The following MIX23 variants were observed in gnomAD, a reference collection of about 807,000 sequenced individuals.
The protein encoded by MIX23 is mitochondrial matrix import factor 23.
A neutral mutation model predicts 21.6 loss-of-function variants in MIX23; 13 were observed. The ratio of observed to expected loss-of-function variants is 0.60; its 90% confidence interval spans 0.39 to 0.96. The LOEUF (loss-of-function observed/expected upper bound fraction) is 0.96, where lower values mean the gene tolerates loss of function less well. Among genes scored for constraint, MIX23 ranks in the 40% least tolerant of loss-of-function variants. The pLI is 0.00. For synonymous variants in MIX23, 59 were observed against 58.0 expected (o/e 1.02, Z -0.08); for missense variants, 144 against 171.2 (o/e 0.84, Z 0.89).
intron 4 of MIX23, 70 bp from the exon 5 acceptor site, chr3:122,359,989 A>G (rs538161645): frequency 8.5e-6 from 12 of 1,406,668 alleles, no homozygotes; most frequent in Middle Eastern, 1.8e-4. Flanking sequence ...ACTAAATTCA[A>G]TTTAGTAGGC....
chr3:122,372,900 C>T (rs1220316268), intron 1 of MIX23: 15 of 320,812 alleles, frequency 4.7e-5, no homozygotes, highest in African/African-American at 3.1e-4. Flanking sequence ...TTATTGAAAA[C>T]ATCCAAGTTA....
At chr3:122,367,377 C>T (rs2075404411) in intron 3 of MIX23, among the ~76,000 whole-genome samples, 1 of 152,176 alleles carries the variant, frequency 6.6e-6, no homozygotes, top group Non-Finnish European at 1.5e-5. Context: ...ATAAAATATG[C>T]TGTATTTTTC....
intron 2 of MIX23, among the ~76,000 whole-genome samples, 177 bp downstream of exon 2, chr3:122,371,498 G>A (rs1156375884): frequency 6.6e-6 from 1 of 152,192 alleles, no homozygotes; most frequent in African/African-American, 2.4e-5. Flanking sequence ...ACAAGCGTAA[G>A]GTCACACATT....
In MIX23 at chr3:122,359,673, A is replaced by C. The variant is rs2075342673; in HGVS notation, c.*196T>G. 3.0e-6 allele frequency: 1 copy of C among 337,992 alleles called. No individual in the cohort carries two copies. Among genetic ancestry groups the C allele is most frequent in the Non-Finnish European group, 5.1e-6 (1 of 194,804 alleles). 20.9% of individuals were successfully genotyped at this position (337,992 alleles called of 1,614,324 possible). A position where few individuals can be genotyped will look rare whatever the true frequency, so the allele number is the denominator to read the frequency against. On this transcript the variant is annotated 3_prime_UTR_variant, in exon 5 of 5. Coordinates refer to ENST00000291458, the MANE Select transcript of MIX23 (RefSeq NM_001017928.4). ...CAGAATCAGTATAAAATAGCAGTTG[A>C]TTTCTCCATAATTATCAGAATTATT...
intron 3 of MIX23, among the ~76,000 whole-genome samples, chr3:122,364,574 T>C (rs1275659069): frequency 6.6e-6 from 1 of 152,182 alleles, no homozygotes; most frequent in East Asian, 1.9e-4. Context: ...TTATATATCA[T>C]GGGAGCAGAA....
At chr3:122,376,409 G>A (rs1275569952) in intron 1 of MIX23, among the ~76,000 whole-genome samples, 14 of 151,998 alleles carry the variant, frequency 9.2e-5, no homozygotes, top group Admixed American at 9.2e-4. Context: ...CCTGAGGTCA[G>A]GAGTTCAAGA....
intron 2 of MIX23, 84 bp from the exon 3 acceptor site, chr3:122,368,406 C>G: frequency 7.5e-7 from 1 of 1,326,948 alleles, no homozygotes; most frequent in Non-Finnish European, 1.0e-6. Context: ...ATCCTTGAGA[C>G]TATAGAAATT....
At chr3:122,372,224 CAAAAAAAAAAA>C (rs55800173) in intron 1 of MIX23, among the ~76,000 whole-genome samples, 10 of 46,104 alleles carry the variant, frequency 2.2e-4, no homozygotes, top group Non-Finnish European at 3.6e-4. Flanking sequence ...CTCCAACTCT[CAAAAAAAAAAA>C]AAAAAAAAAA....
intron 3 of MIX23, chr3:122,366,491 C>T (rs2075397762): frequency 6.6e-6 from 1 of 152,182 alleles, no homozygotes; most frequent in Non-Finnish European, 1.5e-5. Flanking sequence ...GGTTTCTTTT[C>T]TTTTCTACTA....
At chr3:122,364,418 C>A (rs2075381621) in intron 3 of MIX23, among the ~76,000 whole-genome samples, 2 of 152,052 alleles carry the variant, frequency 1.3e-5, no homozygotes, top group Non-Finnish European at 2.9e-5. Flanking sequence ...GGACTGACTG[C>A]CAAAGAAATA....
In MIX23 at chr3:122,372,439, CTCTTT is replaced by C. The variant is rs1576235893; in HGVS notation, c.52-644_52-640del. Among the ~76,000 whole-genome samples, 5 of 118,414 alleles carry C rather than the reference CTCTTT, an allele frequency of 4.2e-5. No homozygotes were observed. In the South Asian group the frequency reaches 1.0e-3, roughly 25 times the overall value. 77.7% of individuals were successfully genotyped at this position (118,414 alleles called of 152,430 possible). A position where few individuals can be genotyped will look rare whatever the true frequency, so the allele number is the denominator to read the frequency against. ...GAGAAGTTTCTGGCAGTATATCTTT[CTCTTT>C]CTTTTTAGTTTCTCAAATTTACAAA... On this transcript the variant is annotated intron_variant, in intron 1 of 4. Coordinates refer to ENST00000291458, the MANE Select transcript of MIX23 (RefSeq NM_001017928.4).
chr3:122,376,474 C>A (rs757278640), intron 1 of MIX23, among the ~76,000 whole-genome samples: 2 of 151,956 alleles, frequency 1.3e-5, no homozygotes, highest in Non-Finnish European at 2.9e-5. Context: ...AAAAAAATAG[C>A]TGGGTGTGGT....
rs745637328 is a variant in MIX23 at position 122,383,155 on chromosome 3, A to C, written c.51+19T>G. ...ACAAAAGGAGGCACATGCCTGCCAC[A>C]TGAGGAAAACCCCATCACCTGGAAC... On this transcript the variant is annotated intron_variant, in intron 1 of 4. Transcript: ENST00000291458. The C allele has an allele frequency of 1.5e-5, 24 of 1,613,882 alleles. No homozygotes were observed. In the Admixed American group the frequency reaches 3.8e-4, roughly 26 times the overall value.
chr3:122,364,723 A>G lies in MIX23; in HGVS notation c.325-1696T>C, dbSNP rs578151560. On this transcript the variant is annotated intron_variant, in intron 3 of 4. Transcript: ENST00000291458. ...AAAAGCTAGAAACCACTGGTTGGTG[A>G]TATGACAAAGAAGATTAATGCAACA... Among the ~76,000 whole-genome samples, 7 of 152,292 alleles carry G rather than the reference A, an allele frequency of 4.6e-5. No individual in the cohort carries two copies. In the East Asian group the frequency reaches 1.4e-3, roughly 29 times the overall value.
intron 1 of MIX23, chr3:122,372,918 A>G (rs13327689): frequency 0.014 from 4,878 of 353,336 alleles, 225 homozygotes; most frequent in African/African-American, 0.097. Context: ...TTAATATTCA[A>G]TATTAATATG....
intron 1 of MIX23, among the ~76,000 whole-genome samples, chr3:122,372,151 T>C (rs752430536): frequency 4.0e-5 from 6 of 151,296 alleles, no homozygotes; most frequent in Non-Finnish European, 8.8e-5. Context: ...GTACTACTAG[T>C]TTTTATTTTT....
At chr3:122,362,850 C>T (rs545620332) in intron 4 of MIX23, 118 bp downstream of exon 4, 10 of 411,780 alleles carry the variant, frequency 2.4e-5, no homozygotes, top group African/African-American at 9.1e-5. Flanking sequence ...TAAATGTAAA[C>T]GAGTGATCTC....
At chr3:122,373,815 A>G (rs1288396985) in intron 1 of MIX23, among the ~76,000 whole-genome samples, 2 of 152,196 alleles carry the variant, frequency 1.3e-5, no homozygotes, top group African/African-American at 4.8e-5. Flanking sequence ...CTCATAATTC[A>G]GACTAATAAA....
At chr3:122,378,015 A>G (rs1045723639) in intron 1 of MIX23, among the ~76,000 whole-genome samples, 6 of 152,208 alleles carry the variant, frequency 3.9e-5, no homozygotes, top group African/African-American at 1.4e-4. Flanking sequence ...CATGAGGTCC[A>G]TTATTAGAGG....
Sources: allele counts gnomAD v4.1 joint callset (sites outside exome capture counted in the v4.1 genomes callset), GRCh38; gene constraint gnomAD v4.1.1; transcripts MANE v1.5; gene names NCBI Gene and HGNC (gene_info 2026-07-23, HGNC 2026-07-21).